NT5DC3: variants seen among roughly 807,000 people sequenced by gnomAD.
NT5DC3 encodes 5'-nucleotidase domain-containing protein 3.
NT5DC3 carries 42 observed loss-of-function variants against 67.8 expected under a neutral mutation model. The ratio of observed to expected loss-of-function variants is 0.62; its 90% CI spans 0.48 to 0.80. NT5DC3 has a LOEUF of 0.80. Among genes scored for constraint, NT5DC3 ranks in the 30% least tolerant of loss-of-function variants. NT5DC3 has a pLI of 0.00. For missense variants in NT5DC3, 570 were observed against 696.4 expected, an observed-to-expected ratio of 0.82 and a Z score of 2.04; for synonymous variants, 237 against 255.6, an observed-to-expected ratio of 0.93 and a Z score of 0.69.
At chr12:103,800,366 C>A (rs1886514452) in intron 4 of NT5DC3, among the ~76,000 whole-genome samples, 1 of 152,274 alleles carries the variant, frequency 6.6e-6, no homozygotes, top group South Asian at 2.1e-4. Flanking sequence ...TAAGCCAGAT[C>A]ATTCGAGGCA....
At chr12:103,755,835 G>A in the NT5DC3 span, 1 of 914,088 alleles carries the variant, frequency 1.1e-6, no homozygotes, top group Non-Finnish European at 1.7e-6. Flanking sequence ...CATGGGTGCT[G>A]GACCACCTTG....
At chr12:103,753,188 G>C in the NT5DC3 span, 1 of 1,611,804 alleles carries the variant, frequency 6.2e-7, no homozygotes, top group Non-Finnish European at 8.5e-7. Flanking sequence ...CTGGTGGGCT[G>C]ACCTGGGCGA....
In NT5DC3 at chr12:103,789,292, C is replaced by T. The variant is rs560843395; in HGVS notation, c.1020-373G>A. Among the ~76,000 whole-genome samples the T allele has an allele frequency of 9.9e-5, 15 of 152,146 alleles. No individual in the cohort carries two copies. In the South Asian group the frequency reaches 2.1e-3, roughly 21 times the overall value. On this transcript the variant is annotated intron_variant, in intron 9 of 13. Coordinates refer to ENST00000392876, the MANE Select transcript of NT5DC3 (RefSeq NM_001031701.3). ...TACAAAAATTAGCTGAGCATGGTGG[C>T]GGGCACCTGTAATCCCAGCTACTCA...
At chr12:103,802,927 C>T (rs1319921461) in intron 4 of NT5DC3, among the ~76,000 whole-genome samples, 1 of 152,128 alleles carries the variant, frequency 6.6e-6, no homozygotes, top group African/African-American at 2.4e-5. Flanking sequence ...GCCATCCAGG[C>T]ATTCAGAGGA....
intron 13 of NT5DC3, 82 bp downstream of exon 13, chr12:103,780,218 G>C: frequency 8.6e-7 from 1 of 1,164,946 alleles, no homozygotes; most frequent in Non-Finnish European, 1.3e-6. Context: ...TATGCCTCAG[G>C]CTGGCCCTGG....
intron 12 of NT5DC3, among the ~76,000 whole-genome samples, chr12:103,782,699 C>T (rs1287751231): frequency 1.3e-5 from 2 of 152,234 alleles, no homozygotes; most frequent in Non-Finnish European, 2.9e-5. Context: ...TCAAGGCTAA[C>T]TAATGAAATT....
chr12:103,747,995 C>CAAA, the NT5DC3 span, among the ~76,000 whole-genome samples: 12 of 96,732 alleles, frequency 1.2e-4, no homozygotes, highest in African/African-American at 4.2e-4. Context: ...ACTCTGTCTC[C>CAAA]AAAAAAAAAA....
chr12:103,791,882 C>T (rs1257986470), intron 9 of NT5DC3, among the ~76,000 whole-genome samples: 2 of 152,184 alleles, frequency 1.3e-5, no homozygotes, highest in African/African-American at 4.8e-5. Context: ...TCAGGTAGAA[C>T]AGTTTCATCC....
At chr12:103,832,682 T>C (rs1298412551) in intron 1 of NT5DC3, among the ~76,000 whole-genome samples, 1 of 152,056 alleles carries the variant, frequency 6.6e-6, no homozygotes, top group African/African-American at 2.4e-5. Context: ...CCAAAAAATA[T>C]CATTATTCCA....
the NT5DC3 span, chr12:103,746,336 T>C: frequency 3.2e-6 from 1 of 312,168 alleles, no homozygotes; most frequent in South Asian, 4.7e-5. Flanking sequence ...AAAGTTTTAA[T>C]TGATAGCCCC....
chr12:103,797,325 G>A (rs1228656012), intron 5 of NT5DC3, among the ~76,000 whole-genome samples: 1 of 151,930 alleles, frequency 6.6e-6, no homozygotes, highest in Non-Finnish European at 1.5e-5. Flanking sequence ...ACAAAAATTT[G>A]CTGGGCATGG....
At chr12:103,805,799 T>C (rs968313818) in intron 4 of NT5DC3, among the ~76,000 whole-genome samples, 8 of 141,280 alleles carry the variant, frequency 5.7e-5, no homozygotes, top group Admixed American at 4.7e-4. Flanking sequence ...TGAGCCTAGA[T>C]TGTGCCATTG....
the NT5DC3 span, among the ~76,000 whole-genome samples, chr12:103,752,923 C>A: frequency 2.6e-5 from 4 of 151,860 alleles, no homozygotes; most frequent in African/African-American, 4.8e-5. Flanking sequence ...GGAAATGCAC[C>A]AAAATGTTAG....
At chr12:103,805,498 C>T (rs1050629147) in intron 4 of NT5DC3, among the ~76,000 whole-genome samples, 1 of 152,102 alleles carries the variant, frequency 6.6e-6, no homozygotes, top group Non-Finnish European at 1.5e-5. Flanking sequence ...AATCACACTC[C>T]TAAATCCCCT....
intron 5 of NT5DC3, among the ~76,000 whole-genome samples, chr12:103,798,151 A>C (rs1886402207): frequency 6.6e-6 from 1 of 152,190 alleles, no homozygotes; most frequent in South Asian, 2.1e-4. Flanking sequence ...GTAAGACAAG[A>C]AGCAAAAATT....
chr12:103,838,360 T>C (rs1888238555), intron 1 of NT5DC3, among the ~76,000 whole-genome samples: 3 of 152,216 alleles, frequency 2.0e-5, no homozygotes, highest in Admixed American at 2.0e-4. Context: ...ATGCCTTTCA[T>C]GGATGGACTC....
chr12:103,809,914 G>A (rs980638927), intron 2 of NT5DC3, among the ~76,000 whole-genome samples: 9 of 152,184 alleles, frequency 5.9e-5, no homozygotes, highest in African/African-American at 1.9e-4. Flanking sequence ...GTCCTGCTAT[G>A]TGCTAGCTGG....
At chr12:103,836,930 C>T (rs1295684398) in intron 1 of NT5DC3, among the ~76,000 whole-genome samples, 19 of 152,208 alleles carry the variant, frequency 1.2e-4, no homozygotes, top group Non-Finnish European at 2.8e-4. Context: ...CTCGCAGCTC[C>T]ACTAGGCAGT....
At chr12:103,772,068 G>C (rs1259275687), downstream of NT5DC3, among the ~76,000 whole-genome samples, 4 of 152,116 alleles carry the variant, frequency 2.6e-5, no homozygotes, top group African/African-American at 9.7e-5. Flanking sequence ...GGGGGGAGAT[G>C]GGGGTAGTGA....
Sources: allele counts gnomAD v4.1 joint callset (sites outside exome capture counted in the v4.1 genomes callset), GRCh38; gene constraint gnomAD v4.1.1; transcripts MANE v1.5; gene names NCBI Gene and HGNC (gene_info 2026-07-23, HGNC 2026-07-21).